Variants in PRPF6 observed in about 807,000 individuals in gnomAD.
The protein encoded by PRPF6 is pre-mRNA processing factor 6.
A neutral mutation model predicts 118.3 loss-of-function variants in PRPF6; 42 were observed. The ratio of observed to expected loss-of-function variants is 0.35; its 90% confidence interval spans 0.28 to 0.46. The LOEUF (loss-of-function observed/expected upper bound fraction) is 0.46, where lower values mean the gene tolerates loss of function less well. Among genes scored for constraint, PRPF6 ranks in the 20% least tolerant of loss-of-function variants. The pLI, the probability that PRPF6 is intolerant of heterozygous loss-of-function variation, is 1.00. For missense variants in PRPF6, 662 were observed against 1,255.7 expected (o/e 0.53, Z 7.15); for synonymous variants, 481 against 485.1 (o/e 0.99, Z 0.11).
At chr20:63,995,206 G>C in intron 5 of PRPF6, 114 bp downstream of exon 5, 1 of 1,575,598 alleles carries the variant, frequency 6.3e-7, no homozygotes, top group East Asian at 2.3e-5. Context: ...TGCTGTGGCC[G>C]AGTCTGTCTG....
rs116167176 is a variant in PRPF6 at position 63,989,132 on chromosome 20, A to T, written c.359+4107A>T. 4.3e-3 allele frequency among the ~76,000 whole-genome samples: 661 copies of T among 152,312 alleles called. 6 individuals are homozygous for T. Among genetic ancestry groups the T allele is most frequent in the African/African-American group, 0.015 (634 of 41,580 alleles). ...CTTGACAAATGTACCAGGAATATTTATTGGGGAAAAGACAATCTCTTCAAT... is the reference window on the plus strand; with the variant it reads ...CTTGACAAATGTACCAGGAATATTTTTTGGGGAAAAGACAATCTCTTCAAT... On this transcript the variant is annotated intron_variant, in intron 3 of 20. Transcript: ENST00000266079.
intron 19 of PRPF6, among the ~76,000 whole-genome samples, chr20:64,030,126 G>A (rs1427428043): frequency 6.6e-6 from 1 of 152,260 alleles, no homozygotes; most frequent in African/African-American, 2.4e-5. Flanking sequence ...GGCACAGCAG[G>A]GAGCTCAGGG....
rs2059305786 is a variant in PRPF6 at position 64,029,576 on chromosome 20, T to G, written c.2546+85T>G. 8.2e-7 allele frequency: 1 copy of G among 1,212,314 alleles called. No individual in the cohort carries two copies. Among genetic ancestry groups the G allele is most frequent in the East Asian group, 2.4e-5 (1 of 42,182 alleles). The allele number at this position is 1,212,314 out of a possible 1,614,324, so 75.1% of individuals were successfully genotyped here. On this transcript the variant is annotated intron_variant, in intron 19 of 20. Coordinates refer to ENST00000266079, the MANE Select transcript of PRPF6 (RefSeq NM_012469.4). This position sits in a 1 kb window ranked among gnomAD's most constrained non-coding sequence, Gnocchi z 4.8. ...AGTCTGTCTGCCTCTTCCTGGTCAT[T>G]GTAAAGATGCCCGGCAGCAGGGTGG...
rs2059272155 is a variant in PRPF6, at chr20:64,022,749, T to C, written c.1648-8T>C. The C allele has an allele frequency of 1.2e-6, 2 of 1,614,062 alleles. No individual in the cohort carries two copies. Among genetic ancestry groups the C allele is most frequent in the Non-Finnish European group, 8.5e-7 (1 of 1,180,000 alleles). On this transcript the variant is annotated splice_polypyrimidine_tract_variant and splice_region_variant and intron_variant, in intron 12 of 20. Coordinates refer to ENST00000266079, the MANE Select transcript of PRPF6 (RefSeq NM_012469.4). The stretch of plus-strand genomic sequence containing the variant: ...GGCTGCCCATTCTCATGTCTCTCTC[T>C]GCTCTAGTGTGTAGCCCACAATGCC...
chr20:63,985,949 A>G (rs2059091255), intron 3 of PRPF6, among the ~76,000 whole-genome samples: 1 of 152,226 alleles, frequency 6.6e-6, no homozygotes, highest in African/African-American at 2.4e-5. Flanking sequence ...AGACACACTG[A>G]AAAAAGAAAA....
intron 19 of PRPF6, among the ~76,000 whole-genome samples, chr20:64,031,686 A>C (rs2059314589): frequency 6.7e-6 from 1 of 150,258 alleles, no homozygotes; most frequent in African/African-American, 2.5e-5. Flanking sequence ...AAAAAAAAAA[A>C]AAAAACAACA....
intron 3 of PRPF6, among the ~76,000 whole-genome samples, chr20:63,991,563 G>A (rs569215633): frequency 8.5e-5 from 13 of 152,188 alleles, no homozygotes; most frequent in South Asian, 6.2e-4. Context: ...AGGCCGAGGC[G>A]GGCAGATCAT....
At chr20:63,990,195 C>T (rs968674652) in intron 3 of PRPF6, among the ~76,000 whole-genome samples, 5 of 152,194 alleles carry the variant, frequency 3.3e-5, no homozygotes, top group African/African-American at 1.2e-4. Flanking sequence ...GTGATGTAAA[C>T]TTGCTGCCTC....
chr20:64,031,216 G>A (rs1181549687), intron 19 of PRPF6, among the ~76,000 whole-genome samples: 2 of 152,372 alleles, frequency 1.3e-5, no homozygotes, highest in African/African-American at 4.8e-5. Context: ...GCTGGAGGCC[G>A]GGTGGGGCAG....
chr20:64,025,264 C>T (rs933451176), intron 14 of PRPF6, among the ~76,000 whole-genome samples: 3 of 152,294 alleles, frequency 2.0e-5, no homozygotes, highest in African/African-American at 7.2e-5. Context: ...GATGGCATCA[C>T]TCCTGTGAGT....
chr20:63,995,588 C>A, intron 6 of PRPF6, 106 bp downstream of exon 6: 3 of 1,242,138 alleles, frequency 2.4e-6, no homozygotes, highest in Non-Finnish European at 2.3e-6. Flanking sequence ...TCTCCTCCTT[C>A]TCCTCCTCCT....
chr20:63,997,457 A>ATTT (rs150179547), intron 6 of PRPF6, among the ~76,000 whole-genome samples: 1 of 132,532 alleles, frequency 7.5e-6, no homozygotes, highest in Non-Finnish European at 1.6e-5. Flanking sequence ...AGCCCAGCTA[A>ATTT]TTTTTTTTTT....
In PRPF6 at chr20:63,995,044, A is replaced by G; in HGVS notation, c.567A>G (p.Lys189=). 1 of 1,614,192 alleles carries G rather than the reference A, an allele frequency of 6.2e-7. No individual in the cohort carries two copies. Among genetic ancestry groups the G allele is most frequent in the Non-Finnish European group, 8.5e-7 (1 of 1,180,040 alleles). Residue 189 remains lysine, a synonymous_variant, in exon 5 of 21, where the codon AAA becomes AAG. Coordinates refer to ENST00000266079, the MANE Select transcript of PRPF6 (RefSeq NM_012469.4). The part of the protein sequence containing the change: ...LTPVPDSFFA[K]HLQTGENHTS... ...CTGTTCCTGACAGTTTCTTTGCCAA[A>G]CATTTACAGACCGGAGAGAACCATA...
At chr20:64,004,435 A>G (rs559722281) in intron 9 of PRPF6, among the ~76,000 whole-genome samples, 7 of 152,310 alleles carry the variant, frequency 4.6e-5, no homozygotes, top group South Asian at 2.1e-4. Flanking sequence ...ATTAGCAAAC[A>G]CTTACACGTT....
chr20:64,010,153 T>C, intron 9 of PRPF6, 47 bp from the exon 10 acceptor site: 1 of 1,534,792 alleles, frequency 6.5e-7, no homozygotes, highest in Non-Finnish European at 9.0e-7. Context: ...AGCCTCCTGT[T>C]TTTATCTCCT....
chr20:63,988,810 A>G (rs2059106134), intron 3 of PRPF6, among the ~76,000 whole-genome samples: 1 of 152,052 alleles, frequency 6.6e-6, no homozygotes, highest in African/African-American at 2.4e-5. Flanking sequence ...CAGAGGTTGC[A>G]GTCAGCTGAG....
intron 3 of PRPF6, among the ~76,000 whole-genome samples, chr20:63,988,613 C>T (rs753284458): frequency 9.9e-5 from 15 of 152,172 alleles, no homozygotes; most frequent in Non-Finnish European, 1.9e-4. Context: ...TGCAGTGGCT[C>T]ATGCCTGTAA....
intron 3 of PRPF6, among the ~76,000 whole-genome samples, chr20:63,987,041 A>T (rs1046733963): frequency 6.6e-6 from 1 of 151,546 alleles, no homozygotes; most frequent in Non-Finnish European, 1.5e-5. Context: ...TTCGTGGCAC[A>T]CACCTGTAGT....
At position 64,031,936 on chromosome 20, in the gene PRPF6, G is replaced by A; in HGVS notation, c.2565G>A (p.Arg855=). The change falls in exon 20 of 21, where the codon CGG becomes CGA. Residue 855 remains arginine, a synonymous_variant. Coordinates refer to ENST00000266079, the MANE Select transcript of PRPF6 (RefSeq NM_012469.4). ...GGAACAGGCTGTTTTGGAGTCAGCG[G>A]AAGATCACCAAGGCCAGGGAGTGGT... The part of the protein sequence containing the change: ...LAVAKLFWSQ[R]KITKAREWFH... 2 of 1,614,176 alleles carry A rather than the reference G, an allele frequency of 1.2e-6. No individual in the cohort carries two copies. Among genetic ancestry groups the A allele is most frequent in the South Asian group, 2.2e-5 (2 of 91,084 alleles).
Sources: allele counts gnomAD v4.1 joint callset (sites outside exome capture counted in the v4.1 genomes callset), GRCh38; gene constraint gnomAD v4.1.1; non-coding constraint Gnocchi (gnomAD v3.1); transcripts MANE v1.5; gene names NCBI Gene and HGNC (gene_info 2026-07-23, HGNC 2026-07-21).